The following NCKAP5 variants were observed in gnomAD, a reference collection of about 807,000 sequenced individuals.
NCKAP5 encodes nck-associated protein 5.
A neutral mutation model predicts 167.0 loss-of-function variants in NCKAP5; 92 were observed. The observed-to-expected ratio is 0.55, with a 90% confidence interval of 0.47 to 0.66. The LOEUF is 0.66. Among genes scored for constraint, NCKAP5 ranks in the 30% least tolerant of loss-of-function variants. The probability of loss-of-function intolerance (pLI) is 0.00; values close to 1 mark genes in which losing one functional copy is unlikely to be tolerated. For missense variants in NCKAP5, 2,378 were observed against 2,315.0 expected, an observed-to-expected ratio of 1.03 and a Z score of -0.56; for synonymous variants, 891 against 877.4, an observed-to-expected ratio of 1.02 and a Z score of -0.27.
intron 6 of NCKAP5, among the ~76,000 whole-genome samples, chr2:133,091,786 C>G (rs940053833): frequency 2.0e-5 from 3 of 152,068 alleles, no homozygotes; most frequent in African/African-American, 4.8e-5. Context: ...ACTCGGGAGG[C>G]TGAGGCAGGA....
chr2:133,280,298 G>A (rs888120921), intron 4 of NCKAP5, among the ~76,000 whole-genome samples: 1 of 152,222 alleles, frequency 6.6e-6, no homozygotes, highest in East Asian at 1.9e-4. Context: ...GCATAAGGGG[G>A]AAGGGTGGTA....
At chr2:133,608,131 T>G in the NCKAP5 span, among the ~76,000 whole-genome samples, 1 of 152,184 alleles carries the variant, frequency 6.6e-6, no homozygotes, top group Non-Finnish European at 1.5e-5. Context: ...TTGATGGAAC[T>G]CTTAAAAATA....
chr2:133,335,593 A>G (rs2150743281), intron 3 of NCKAP5, among the ~76,000 whole-genome samples: 1 of 152,288 alleles, frequency 6.6e-6, no homozygotes, highest in East Asian at 1.9e-4. Flanking sequence ...CTAAAGAACC[A>G]CAAAAAAGTT....
At chr2:132,892,724 A>G (rs1444534144) in intron 8 of NCKAP5, among the ~76,000 whole-genome samples, 1 of 152,228 alleles carries the variant, frequency 6.6e-6, no homozygotes, top group Non-Finnish European at 1.5e-5. Flanking sequence ...AGATAGGATC[A>G]GCTCCATTTT....
intron 7 of NCKAP5, among the ~76,000 whole-genome samples, chr2:132,980,159 T>G (rs1165724747): frequency 6.6e-6 from 1 of 151,638 alleles, no homozygotes; most frequent in Non-Finnish European, 1.5e-5. Context: ...CCAGCTAATT[T>G]TTTATATTTT....
At chr2:133,142,480 G>A (rs1169987795) in intron 5 of NCKAP5, among the ~76,000 whole-genome samples, 2 of 152,128 alleles carry the variant, frequency 1.3e-5, no homozygotes, top group African/African-American at 4.8e-5. Context: ...GTCAGAAATT[G>A]TGTTCTCAGG....
chr2:132,851,217 C>A (rs1689052453), intron 11 of NCKAP5, among the ~76,000 whole-genome samples: 1 of 152,122 alleles, frequency 6.6e-6, no homozygotes, highest in Non-Finnish European at 1.5e-5. Flanking sequence ...CAAAAGTGCA[C>A]TATCATCTCA....
At chr2:133,242,344 C>T (rs1219801113) in intron 4 of NCKAP5, among the ~76,000 whole-genome samples, 1 of 151,532 alleles carries the variant, frequency 6.6e-6, no homozygotes, top group Non-Finnish European at 1.5e-5. Context: ...AGACAGATAG[C>T]CTTGTCTCAA....
intron 5 of NCKAP5, among the ~76,000 whole-genome samples, chr2:133,180,339 T>C (rs1398908875): frequency 6.6e-6 from 1 of 152,114 alleles, no homozygotes; most frequent in Admixed American, 6.6e-5. Context: ...TCCTTTTCTT[T>C]TCTTTCTTTC....
the NCKAP5 span, among the ~76,000 whole-genome samples, chr2:133,651,755 A>T: frequency 6.6e-6 from 1 of 152,248 alleles, no homozygotes; most frequent in African/African-American, 2.4e-5. Context: ...AGCAACTTAT[A>T]TATCCAATGA....
the NCKAP5 span, among the ~76,000 whole-genome samples, chr2:133,674,244 G>A: frequency 4.7e-5 from 7 of 149,236 alleles, no homozygotes; most frequent in Non-Finnish European, 6.0e-5. Context: ...AGGGAAAAAA[G>A]AAAAAAAAAA....
chr2:133,627,752 G>T, the NCKAP5 span, among the ~76,000 whole-genome samples: 1 of 152,162 alleles, frequency 6.6e-6, no homozygotes, highest in African/African-American at 2.4e-5. Flanking sequence ...ATGCTCAGAG[G>T]CAATCATTCC....
the NCKAP5 span, among the ~76,000 whole-genome samples, chr2:133,647,061 G>GA: frequency 4.0e-5 from 6 of 151,870 alleles, no homozygotes; most frequent in Non-Finnish European, 8.8e-5. Flanking sequence ...AGCAAGAGAA[G>GA]AAAAAAACAG....
intron 8 of NCKAP5, among the ~76,000 whole-genome samples, chr2:132,889,434 A>T (rs3919752): frequency 0.31 from 47,583 of 151,588 alleles, 7,664 homozygotes; most frequent in Non-Finnish European, 0.36. Context: ...ATGCTGGGGG[A>T]AAATAAAGAT....
chr2:133,385,839 G>C (rs1456069314), intron 3 of NCKAP5, among the ~76,000 whole-genome samples: 1 of 152,176 alleles, frequency 6.6e-6, no homozygotes, highest in Non-Finnish European at 1.5e-5. Context: ...TTGCATAGAG[G>C]TGTTTATAGT....
chr2:133,647,824 C>T, the NCKAP5 span, among the ~76,000 whole-genome samples: 1 of 151,166 alleles, frequency 6.6e-6, no homozygotes, highest in African/African-American at 2.4e-5. Flanking sequence ...ACGGGAAGGG[C>T]AGGGCAGGGC....
At chr2:132,741,499 C>T (rs1679188740) in intron 16 of NCKAP5, among the ~76,000 whole-genome samples, 1 of 152,034 alleles carries the variant, frequency 6.6e-6, no homozygotes, top group South Asian at 2.1e-4. Context: ...GGATCCCAGA[C>T]TCCTAGGTCC....
At chr2:133,558,763 C>T (rs1465123444) in intron 2 of NCKAP5, among the ~76,000 whole-genome samples, 1 of 127,962 alleles carries the variant, frequency 7.8e-6, no homozygotes, top group African/African-American at 2.9e-5. Flanking sequence ...GCACTCATGA[C>T]CCAGAAGCGG....
chr2:132,847,207 T>G (rs1426709574), intron 11 of NCKAP5, among the ~76,000 whole-genome samples: 5 of 152,212 alleles, frequency 3.3e-5, no homozygotes, highest in African/African-American at 1.2e-4. Context: ...ATTAAAGAGA[T>G]GTGGGAAATA....
Sources: gnomAD v4.1 joint callset for allele counts (sites outside exome capture counted in the v4.1 genomes callset) on GRCh38, gnomAD v4.1.1 for gene constraint, MANE v1.5 for transcripts, NCBI Gene and HGNC (gene_info 2026-07-23, HGNC 2026-07-21) for gene names.